Variants in SLC22A23 observed in about 807,000 individuals in gnomAD.
The protein encoded by SLC22A23 is solute carrier family 22 member 23, also known as ion transporter protein.
A neutral mutation model predicts 61.0 loss-of-function variants in SLC22A23; 26 were observed. That is an observed-to-expected ratio of 0.43 (90% CI 0.31 to 0.59). The LOEUF is 0.59. SLC22A23 is among the 20% of genes least tolerant of loss of function. The pLI is 0.11. For synonymous variants in SLC22A23, 430 were observed against 413.9 expected, an observed-to-expected ratio of 1.04 and a Z score of -0.47; for missense variants, 796 against 934.7, an observed-to-expected ratio of 0.85 and a Z score of 1.94.
chr6:3,337,641 T>C (rs1763932056), intron 3 of SLC22A23, among the ~76,000 whole-genome samples: 1 of 152,066 alleles, frequency 6.6e-6, no homozygotes, highest in Non-Finnish European at 1.5e-5. Context: ...CCCGGGCAAG[T>C]CTTTCCTGTG....
intron 3 of SLC22A23, among the ~76,000 whole-genome samples, chr6:3,379,139 C>T (rs2127472416): frequency 6.6e-6 from 1 of 152,334 alleles, no homozygotes; most frequent in South Asian, 2.1e-4. Flanking sequence ...TGGAGATTCT[C>T]TCCCATGGCT....
At chr6:3,421,671 G>T (rs995156267) in intron 1 of SLC22A23, among the ~76,000 whole-genome samples, 1 of 151,920 alleles carries the variant, frequency 6.6e-6, no homozygotes, top group African/African-American at 2.4e-5. Context: ...AACTTTCTAC[G>T]ATGAATCTAT....
intron 1 of SLC22A23, among the ~76,000 whole-genome samples, chr6:3,428,802 G>A (rs1581873469): frequency 6.6e-6 from 1 of 152,178 alleles, no homozygotes; most frequent in African/African-American, 2.4e-5. Context: ...TTTGAAGGCA[G>A]CATGCCTAAA....
intron 3 of SLC22A23, among the ~76,000 whole-genome samples, chr6:3,400,376 T>G (rs6923610): frequency 0.37 from 56,307 of 152,044 alleles, 10,728 homozygotes; most frequent in East Asian, 0.54. Context: ...TTCCCTCACA[T>G]GAGTGGGCCT....
At chr6:3,345,850 G>C (rs1360033697) in intron 3 of SLC22A23, among the ~76,000 whole-genome samples, 1 of 152,190 alleles carries the variant, frequency 6.6e-6, no homozygotes, top group Non-Finnish European at 1.5e-5. Context: ...CCTACCTGCT[G>C]CTAAGCAGAT....
At chr6:3,437,456 T>C (rs1771289144) in intron 1 of SLC22A23, among the ~76,000 whole-genome samples, 2 of 151,768 alleles carry the variant, frequency 1.3e-5, no homozygotes, top group South Asian at 4.2e-4. Context: ...GGTGGGCGGA[T>C]CATGAGGTCA....
At position 3,427,874 on chromosome 6, in the gene SLC22A23, G is replaced by T. The variant is rs915392119; in HGVS notation, c.655-12019C>A. 2.6e-5 allele frequency among the ~76,000 whole-genome samples: 4 copies of T among 152,210 alleles called. No homozygotes were observed. Among genetic ancestry groups the T allele is most frequent in the Admixed American group, 6.5e-5 (1 of 15,290 alleles). On this transcript the variant is annotated intron_variant, in intron 1 of 9. Transcript: ENST00000406686. This position sits in a 1 kb window ranked among gnomAD's most constrained non-coding sequence, Gnocchi z 4.3. ...CAGCATGACAGCAGAGTGTGACTGTGCAGGCTGGCTCCCGGCCCCCGCCCT... is the reference window on the plus strand; with the variant it reads ...CAGCATGACAGCAGAGTGTGACTGTTCAGGCTGGCTCCCGGCCCCCGCCCT...
At chr6:3,406,034 C>G (rs889040515) in intron 3 of SLC22A23, among the ~76,000 whole-genome samples, 2 of 151,922 alleles carry the variant, frequency 1.3e-5, no homozygotes, top group African/African-American at 4.8e-5. Flanking sequence ...GAAAATTGTT[C>G]ATTGTTGGGG....
At chr6:3,401,833 C>A (rs554547551) in intron 3 of SLC22A23, among the ~76,000 whole-genome samples, 191 of 152,288 alleles carry the variant, frequency 1.3e-3, no homozygotes, top group Non-Finnish European at 1.5e-3. Flanking sequence ...ACACGGGGGC[C>A]TTGCTCCTGA....
intron 4 of SLC22A23, among the ~76,000 whole-genome samples, chr6:3,310,945 A>G (rs1022913973): frequency 1.3e-5 from 2 of 152,082 alleles, no homozygotes; most frequent in African/African-American, 4.8e-5. Flanking sequence ...TCATTCCTTT[A>G]TTTGTTTTTC....
At position 3,283,859 on chromosome 6, in the gene SLC22A23, C is replaced by T. The variant is rs1425879011; in HGVS notation, c.1696G>A (p.Val566Met). The T allele has an allele frequency of 6.2e-7, 1 of 1,613,790 alleles. No individual in the cohort carries two copies. Among genetic ancestry groups the T allele is most frequent in the South Asian group, 1.1e-5 (1 of 91,080 alleles). Residue 566 changes from valine (V) to methionine (M), a missense_variant, in exon 9 of 10, where the codon GTG (valine) becomes ATG (methionine). By Grantham distance (21) the Val-to-Met change is conservative (BLOSUM62 1). Coordinates refer to ENST00000406686, the MANE Select transcript of SLC22A23 (RefSeq NM_015482.2). ...GTGTCTCCCATGACGCACCTTATCA[C>T]CGTCGGGGTGATCTCCGCACAGAAG... ...VFFCAEITPTVIRCGGLGLVL... is the reference protein window; with the variant it reads ...VFFCAEITPTMIRCGGLGLVL...
Position 3,337,634 on chromosome 6 carries a change from G to A in SLC22A23, c.914-13632C>T, listed in dbSNP as rs192072478. Among the ~76,000 whole-genome samples, 21 of 152,256 alleles carry A rather than the reference G, an allele frequency of 1.4e-4. No homozygotes were observed. The East Asian group carries it at 3.3e-3, about 24-fold the overall frequency. On this transcript the variant is annotated intron_variant, in intron 3 of 9. Coordinates refer to ENST00000406686, the MANE Select transcript of SLC22A23 (RefSeq NM_015482.2). ...ACAAGAGGCAACAGGGCAAGGACCC[G>A]GGCAAGTCTTTCCTGTGTACCATGT... is the stretch of plus-strand genomic sequence containing the variant.
intron 2 of SLC22A23, among the ~76,000 whole-genome samples, chr6:3,413,177 C>T (rs1046161796): frequency 6.6e-6 from 1 of 152,188 alleles, no homozygotes; most frequent in Non-Finnish European, 1.5e-5. Flanking sequence ...TGAGAGGGAA[C>T]CCACAACAGA....
intron 1 of SLC22A23, among the ~76,000 whole-genome samples, chr6:3,450,883 T>C (rs1198255702): frequency 6.6e-6 from 1 of 152,246 alleles, no homozygotes; most frequent in Non-Finnish European, 1.5e-5. Context: ...TTATTTCTAG[T>C]CTTAATTAAA....
intron 1 of SLC22A23, among the ~76,000 whole-genome samples, chr6:3,421,891 G>A (rs1181271795): frequency 6.6e-6 from 1 of 152,202 alleles, no homozygotes; most frequent in South Asian, 2.1e-4. Flanking sequence ...AACAAACCAC[G>A]TCTTCACAGC....
chr6:3,311,725 C>T (rs944803981), intron 4 of SLC22A23: 23 of 152,194 alleles, frequency 1.5e-4, no homozygotes, highest in African/African-American at 5.5e-4. Flanking sequence ...ATTTAAATGA[C>T]TATGCTGCTA....
At position 3,329,259 on chromosome 6, in the gene SLC22A23, GA is replaced by G. The variant is rs36046387; in HGVS notation, c.914-5258del. ...TAAAAACCTTTTGAAGCCAATCTTT[GA>G]AAAAAAAAGGCCCATCCTCCCATAA... On this transcript the variant is annotated intron_variant, in intron 3 of 9. Coordinates refer to ENST00000406686, the MANE Select transcript of SLC22A23 (RefSeq NM_015482.2). The surrounding 1 kb of genome is among the most constrained non-coding windows in gnomAD (Gnocchi z 4.8). Among the ~76,000 whole-genome samples the G allele has an allele frequency of 0.19, 28,071 of 149,794 alleles. 3,576 individuals are homozygous for G. The highest frequency in any genetic ancestry group is 0.36 in the African/African-American group (14,579 of 40,900).
intron 3 of SLC22A23, among the ~76,000 whole-genome samples, chr6:3,336,247 T>A (rs1179781994): frequency 1.3e-5 from 2 of 152,216 alleles, no homozygotes; most frequent in Non-Finnish European, 2.9e-5. Context: ...GTGTGTGTGA[T>A]CATCCACTTG....
At chr6:3,447,584 T>TTTC (rs35995478) in intron 1 of SLC22A23, among the ~76,000 whole-genome samples, 1 of 25,104 alleles carries the variant, frequency 4.0e-5, no homozygotes, top group African/African-American at 1.4e-4. Flanking sequence ...AGAAACTTTC[T>TTTC]TTTTTTTTTT....
Sources: allele counts gnomAD v4.1 joint callset (sites outside exome capture counted in the v4.1 genomes callset), GRCh38; gene constraint gnomAD v4.1.1; non-coding constraint Gnocchi (gnomAD v3.1); transcripts MANE v1.5; gene names NCBI Gene and HGNC (gene_info 2026-07-23, HGNC 2026-07-21).